Variants in MAPRE1 observed in about 807,000 individuals in gnomAD.
MAPRE1 encodes microtubule-associated protein RP/EB family member 1.
Under a neutral mutation model 32.1 loss-of-function variants are expected in MAPRE1, and 5 were observed. The ratio of observed to expected loss-of-function variants is 0.16; its 90% CI spans 0.08 to 0.33. The LOEUF is 0.33. Among genes scored for constraint, MAPRE1 ranks in the 10% least tolerant of loss-of-function variants. MAPRE1 has a pLI of 1.00. For synonymous variants in MAPRE1, 122 were observed against 118.9 expected (o/e 1.03, Z -0.17); for missense variants, 209 against 327.2 (o/e 0.64, Z 2.79).
chr20:32,833,084 TC>T (rs1175395971), intron 2 of MAPRE1, among the ~76,000 whole-genome samples: 1 of 152,010 alleles, frequency 6.6e-6, no homozygotes, highest in Non-Finnish European at 1.5e-5. Flanking sequence ...GTGCCTATAG[TC>T]CCGCTACTCC....
At chr20:32,831,311 C>T (rs909354155) in intron 2 of MAPRE1, among the ~76,000 whole-genome samples, 2 of 152,038 alleles carry the variant, frequency 1.3e-5, no homozygotes, top group African/African-American at 4.8e-5. Context: ...GAGAATCATA[C>T]TCGCATAAAA....
chr20:32,827,713 A>G (rs1235459224), intron 2 of MAPRE1, among the ~76,000 whole-genome samples: 2 of 151,756 alleles, frequency 1.3e-5, no homozygotes, highest in African/African-American at 2.4e-5. Context: ...TGGCCAACAT[A>G]GTGAAGCCCC....
intron 2 of MAPRE1, among the ~76,000 whole-genome samples, chr20:32,827,937 CT>C (rs112031443): frequency 9.8e-4 from 138 of 141,504 alleles, no homozygotes; most frequent in East Asian, 1.9e-3. Flanking sequence ...AGGATTTTTT[CT>C]TTTTTTTTTT....
At chr20:32,833,905 G>C in intron 3 of MAPRE1, 43 bp downstream of exon 3, 2 of 1,560,802 alleles carry the variant, frequency 1.3e-6, no homozygotes, top group Non-Finnish European at 1.8e-6. Context: ...GTTCCTTAAT[G>C]ATCGTTACTA....
chr20:32,824,910 G>T (rs1982799174), intron 1 of MAPRE1, among the ~76,000 whole-genome samples: 1 of 151,758 alleles, frequency 6.6e-6, no homozygotes, highest in African/African-American at 2.4e-5. Context: ...CCAGCACTTT[G>T]GGAGGCCTAG....
chr20:32,841,129 C>T (rs1483743939), intron 5 of MAPRE1, among the ~76,000 whole-genome samples: 4 of 152,200 alleles, frequency 2.6e-5, no homozygotes, highest in African/African-American at 9.6e-5. Context: ...TTCACTTTTT[C>T]GTTCTTTCAT....
At chr20:32,834,836 G>A (rs1229582997) in intron 3 of MAPRE1, among the ~76,000 whole-genome samples, 2 of 152,084 alleles carry the variant, frequency 1.3e-5, no homozygotes, top group African/African-American at 4.8e-5. Flanking sequence ...AGTAAATAGT[G>A]TAATGATCCC....
chr20:32,830,797 T>C (rs1259479259), intron 2 of MAPRE1, among the ~76,000 whole-genome samples: 2 of 150,762 alleles, frequency 1.3e-5, no homozygotes, highest in Non-Finnish European at 3.0e-5. Context: ...AGATCTCCGC[T>C]CACTGCAAGC....
At chr20:32,841,817 T>A (rs978793221) in intron 5 of MAPRE1, among the ~76,000 whole-genome samples, 46 of 152,214 alleles carry the variant, frequency 3.0e-4, no homozygotes, top group Non-Finnish European at 4.3e-4. Context: ...ACGTGTGAAG[T>A]GGGGCTGACA....
At chr20:32,837,811 A>C (rs148463274) in intron 4 of MAPRE1, among the ~76,000 whole-genome samples, 1 of 152,236 alleles carries the variant, frequency 6.6e-6, no homozygotes, top group Admixed American at 6.5e-5. Flanking sequence ...TGCTGGGCGC[A>C]GTGGCTCATG....
At chr20:32,846,276 C>G (rs1470595932) in intron 5 of MAPRE1, among the ~76,000 whole-genome samples, 1 of 152,100 alleles carries the variant, frequency 6.6e-6, no homozygotes, top group East Asian at 1.9e-4. Flanking sequence ...TTGTCCAGTC[C>G]CTTGGTAAGG....
chr20:32,835,459 G>C (rs1983171428), intron 3 of MAPRE1, among the ~76,000 whole-genome samples: 1 of 145,872 alleles, frequency 6.9e-6, no homozygotes, highest in South Asian at 2.2e-4. Flanking sequence ...TAGGATTGCA[G>C]GTGGGCAGCC....
chr20:32,837,943 C>T (rs1219995749), intron 4 of MAPRE1, among the ~76,000 whole-genome samples: 1 of 152,086 alleles, frequency 6.6e-6, no homozygotes, highest in Non-Finnish European at 1.5e-5. Context: ...ATTATCTGGG[C>T]ATGGTGGTGC....
At chr20:32,825,832 C>T (rs1982830299) in intron 1 of MAPRE1, 93 bp from the exon 2 acceptor site, 2 of 914,366 alleles carry the variant, frequency 2.2e-6, no homozygotes, top group South Asian at 5.0e-5. Context: ...AGTGTTCCTA[C>T]AGGTTTGCTT....
intron 5 of MAPRE1, among the ~76,000 whole-genome samples, chr20:32,842,669 ACT>A (rs1274185841): frequency 6.6e-6 from 1 of 152,140 alleles, no homozygotes; most frequent in Non-Finnish European, 1.5e-5. Flanking sequence ...CCAGATAATG[ACT>A]CTGGGCAAAT....
intron 2 of MAPRE1, among the ~76,000 whole-genome samples, chr20:32,832,155 A>C (rs1983047808): frequency 6.6e-6 from 1 of 152,202 alleles, no homozygotes; most frequent in South Asian, 2.1e-4. Context: ...CCAGCAGAGA[A>C]CTGGTTCGGC....
At chr20:32,830,914 C>T (rs966195942) in intron 2 of MAPRE1, among the ~76,000 whole-genome samples, 2 of 151,958 alleles carry the variant, frequency 1.3e-5, no homozygotes, top group East Asian at 1.9e-4. Context: ...TTAGTAGAGA[C>T]GGGGTTTCAC....
intron 4 of MAPRE1, 36 bp downstream of exon 4, chr20:32,836,877 G>C (rs771637397): frequency 6.4e-7 from 1 of 1,552,282 alleles, no homozygotes; most frequent in East Asian, 2.2e-5. Context: ...CCAAAAAATA[G>C]CGTTCCAGAT....
At chr20:32,833,108 G>A (rs1330667743) in intron 2 of MAPRE1, among the ~76,000 whole-genome samples, 1 of 152,006 alleles carries the variant, frequency 6.6e-6, no homozygotes, top group Non-Finnish European at 1.5e-5. Context: ...AGGCTGAGGT[G>A]GGAGGATCAC....
Sources: allele counts gnomAD v4.1 joint callset (sites outside exome capture counted in the v4.1 genomes callset), GRCh38; gene constraint gnomAD v4.1.1; transcripts MANE v1.5; gene names NCBI Gene and HGNC (gene_info 2026-07-23, HGNC 2026-07-21).